Variants in MSH3 observed in about 807,000 individuals in gnomAD.
MSH3 encodes the protein DNA mismatch repair protein Msh3.
A neutral mutation model predicts 123.3 loss-of-function variants in MSH3; 106 were observed. That is an observed-to-expected ratio of 0.86 (90% CI 0.73 to 1.01). MSH3 has a LOEUF of 1.01. Among genes scored for constraint, MSH3 ranks in the 50% least tolerant of loss-of-function variants. The pLI is 0.00. For missense variants in MSH3, 1,459 were observed against 1,347.6 expected, an observed-to-expected ratio of 1.08 and a Z score of -1.29; for synonymous variants, 515 against 481.4, an observed-to-expected ratio of 1.07 and a Z score of -0.91.
rs555948314 is a variant in MSH3 at position 80,672,339 on chromosome 5, C to T, written c.888C>T (p.Arg296=). The change falls in exon 5 of 24, where the codon CGC becomes CGT. Residue 296 remains arginine (R), a synonymous_variant. Transcript: ENST00000265081. ...PTHRLFVHVR[R]LVAKGYKVGV... ...ACAGACTGTTTGTTCATGTACGCCG[C>T]CTGGTGGCAAAAGGATATAAGGTCA... The T allele has an allele frequency of 4.1e-5, 66 of 1,613,466 alleles. No homozygotes were observed. Among genetic ancestry groups the T allele is most frequent in the Non-Finnish European group, 5.5e-5 (65 of 1,179,584 alleles).
intron 17 of MSH3, among the ~76,000 whole-genome samples, chr5:80,781,749 G>C (rs1744413938): frequency 6.6e-6 from 1 of 151,946 alleles, no homozygotes. Context: ...CCCCTTTGAG[G>C]TGTTTCTTTG....
At chr5:80,858,717 C>A (rs1745960585) in intron 21 of MSH3, among the ~76,000 whole-genome samples, 1 of 151,916 alleles carries the variant, frequency 6.6e-6, no homozygotes, top group African/African-American at 2.4e-5. Flanking sequence ...TAAATGATGT[C>A]TAGTTGATTG....
In MSH3 at chr5:80,731,297, T is replaced by G. The variant is rs182711971; in HGVS notation, c.1568+2332T>G. On this transcript the variant is annotated intron_variant, in intron 10 of 23. Coordinates refer to ENST00000265081, the MANE Select transcript of MSH3 (RefSeq NM_002439.5). ...AAATTAAAATAGATTCTTTTCAAATTACCTGAAGTAACCTCTTGATAAACT... is the reference window on the plus strand; with the variant it reads ...AAATTAAAATAGATTCTTTTCAAATGACCTGAAGTAACCTCTTGATAAACT... Among the ~76,000 whole-genome samples, 120 of 152,264 alleles carry G rather than the reference T, an allele frequency of 7.9e-4. 1 individual carries two copies. In the East Asian group the frequency reaches 0.019, roughly 24 times the overall value.
At chr5:80,717,253 G>A (rs1354053169) in intron 8 of MSH3, among the ~76,000 whole-genome samples, 3 of 152,100 alleles carry the variant, frequency 2.0e-5, no homozygotes, top group Non-Finnish European at 4.4e-5. Context: ...TCATGTAATA[G>A]TTCTATTTTT....
intron 21 of MSH3, among the ~76,000 whole-genome samples, chr5:80,863,576 T>C (rs189553319): frequency 2.3e-4 from 35 of 150,140 alleles, no homozygotes; most frequent in Middle Eastern, 3.4e-3. Flanking sequence ...GAGGCTAAGG[T>C]AGGAGAATGG....
At chr5:80,676,750 T>C (rs1482532715) in intron 7 of MSH3, among the ~76,000 whole-genome samples, 1 of 152,236 alleles carries the variant, frequency 6.6e-6, no homozygotes, top group East Asian at 1.9e-4. Context: ...TGGACCTATA[T>C]ACAAATAGTA....
rs1422074013 is a variant in MSH3, at chr5:80,768,901, T to C, written c.2151T>C (p.Asp717=). ...TCCCTTTAATAAAAAAGAGGAAGGATGAAATTCAAGGTGTTATTGACGAGA... is the reference window on the plus strand; with the variant it reads ...TCCCTTTAATAAAAAAGAGGAAGGACGAAATTCAAGGTGTTATTGACGAGA... ...SDFPLIKKRK[D]EIQGVIDEIR... The change falls in exon 15 of 24, where the codon GAT becomes GAC. Residue 717 remains aspartate (D), a synonymous_variant. Transcript: ENST00000265081. The C allele has an allele frequency of 6.2e-7, 1 of 1,611,960 alleles. No individual in the cohort carries two copies. Among genetic ancestry groups the C allele is most frequent in the Admixed American group, 1.7e-5 (1 of 59,984 alleles).
chr5:80,812,091 T>G (rs1390124201), intron 19 of MSH3, among the ~76,000 whole-genome samples: 1 of 152,190 alleles, frequency 6.6e-6, no homozygotes, highest in Admixed American at 6.5e-5. Context: ...GGAGATATAT[T>G]AGGTGCAATA....
At chr5:80,711,719 A>T (rs975852162) in intron 8 of MSH3, among the ~76,000 whole-genome samples, 1 of 151,590 alleles carries the variant, frequency 6.6e-6, no homozygotes, top group Non-Finnish European at 1.5e-5. Context: ...CAATGGTGTC[A>T]TCTCGGCTCA....
At chr5:80,864,714 T>C in intron 21 of MSH3, 99 bp from the exon 22 acceptor site, 28 of 1,052,554 alleles carry the variant, frequency 2.7e-5, no homozygotes, top group Non-Finnish European at 3.7e-5. Context: ...TTGTGACTTT[T>C]AGGAAGATTT....
At chr5:80,779,996 T>G (rs1744381816) in intron 17 of MSH3, among the ~76,000 whole-genome samples, 1 of 152,222 alleles carries the variant, frequency 6.6e-6, no homozygotes, top group Admixed American at 6.5e-5. Context: ...TTATGCTTCT[T>G]TAGTCTGTTT....
chr5:80,711,083 GTAGAAAAAAC>G (rs1289861359), intron 8 of MSH3, among the ~76,000 whole-genome samples: 1 of 152,152 alleles, frequency 6.6e-6, no homozygotes, highest in Non-Finnish European at 1.5e-5. Flanking sequence ...AATCAAAAGT[GTAGAAAAAAC>G]TAGAAAAAAA....
At chr5:80,749,618 A>C (rs1743795581) in intron 12 of MSH3, among the ~76,000 whole-genome samples, 1 of 152,176 alleles carries the variant, frequency 6.6e-6, no homozygotes, top group Non-Finnish European at 1.5e-5. Context: ...CACAATATTC[A>C]TGGGGTACAA....
At chr5:80,831,874 C>T (rs1290281757) in intron 20 of MSH3, among the ~76,000 whole-genome samples, 4 of 151,892 alleles carry the variant, frequency 2.6e-5, no homozygotes, top group Non-Finnish European at 4.4e-5. Context: ...TTTGGGAGGC[C>T]GAGGCGGGTG....
chr5:80,800,396 G>A (rs903695643), intron 19 of MSH3, among the ~76,000 whole-genome samples: 1 of 152,166 alleles, frequency 6.6e-6, no homozygotes, highest in African/African-American at 2.4e-5. Context: ...GGTGGTTATT[G>A]CCAACTTTCA....
At position 80,761,431 on chromosome 5, in the gene MSH3, A is replaced by T. The variant is rs1016639826; in HGVS notation, c.1764-115A>T. ...CATGACTATCTCAGTATGAAGGAGGAGTTTCCTTTGTGCCTAATAAGTGGC... is the reference window on the plus strand; with the variant it reads ...CATGACTATCTCAGTATGAAGGAGGTGTTTCCTTTGTGCCTAATAAGTGGC... On this transcript the variant is annotated intron_variant, in intron 12 of 23. Transcript: ENST00000265081. The T allele has an allele frequency of 1.4e-5, 17 of 1,239,942 alleles. No individual in the cohort carries two copies. The African/African-American group carries it at 1.6e-4, about 12-fold the overall frequency. 76.8% of individuals were successfully genotyped at this position (1,239,942 alleles called of 1,614,324 possible). A position where few individuals can be genotyped will look rare whatever the true frequency, so the allele number is the denominator to read the frequency against.
intron 8 of MSH3, among the ~76,000 whole-genome samples, chr5:80,717,950 A>G (rs1257642890): frequency 6.6e-6 from 1 of 152,380 alleles, no homozygotes; most frequent in South Asian, 2.1e-4. Context: ...AGTAAAAAGT[A>G]AAAGTTTCAG....
At position 80,787,629 on chromosome 5, in the gene MSH3, A is replaced by C; in HGVS notation, c.2500A>C (p.Ile834Leu). Residue 834 changes from isoleucine to leucine, a missense_variant, in exon 18 of 24, where the codon ATT becomes CTT. By Grantham distance (5) the Ile-to-Leu change is conservative. Transcript: ENST00000265081. ...AVHHLATVDC[I>L]FSLAKVAKQG... The stretch of plus-strand genomic sequence containing the variant: ...GCATCACCTAGCAACTGTTGACTGC[A>C]TTTTCTCCCTGGCCAAGGTCGCTAA... 6.2e-7 allele frequency: 1 copy of C among 1,613,940 alleles called. No homozygotes were observed. The highest frequency in any genetic ancestry group is 8.5e-7 in the Non-Finnish European group (1 of 1,179,880).
intron 7 of MSH3, among the ~76,000 whole-genome samples, chr5:80,677,962 C>A (rs549484350): frequency 6.6e-6 from 1 of 152,054 alleles, no homozygotes; most frequent in Non-Finnish European, 1.5e-5. Flanking sequence ...TGTCTTGTAT[C>A]GTATACAAAT....
Sources: gnomAD v4.1 joint callset for allele counts (sites outside exome capture counted in the v4.1 genomes callset) on GRCh38, gnomAD v4.1.1 for gene constraint, MANE v1.5 for transcripts, NCBI Gene and HGNC (gene_info 2026-07-23, HGNC 2026-07-21) for gene names.